Variants in GALNTL6 observed in about 807,000 individuals in gnomAD.
GALNTL6 encodes the protein polypeptide N-acetylgalactosaminyltransferase like 6.
A neutral mutation model predicts 73.7 loss-of-function variants in GALNTL6; 46 were observed. The ratio of observed to expected loss-of-function variants is 0.62; its 90% CI spans 0.49 to 0.80. The LOEUF (loss-of-function observed/expected upper bound fraction) is 0.80, where lower values mean the gene tolerates loss of function less well. Ranked by LOEUF, GALNTL6 falls within the 30% of genes least tolerant of loss-of-function variation. The pLI is 0.00. For missense variants in GALNTL6, 604 were observed against 755.0 expected (o/e 0.80, Z 2.34); for synonymous variants, 259 against 263.7 (o/e 0.98, Z 0.17).
intron 3 of GALNTL6, among the ~76,000 whole-genome samples, chr4:172,285,074 G>C (rs1406416036): frequency 6.6e-6 from 1 of 152,132 alleles, no homozygotes; most frequent in East Asian, 1.9e-4. Context: ...TGATCTATGA[G>C]CATGTGATAT....
chr4:172,634,488 C>T (rs1739560968), intron 5 of GALNTL6, among the ~76,000 whole-genome samples: 1 of 152,096 alleles, frequency 6.6e-6, no homozygotes. Context: ...TGTATGTACT[C>T]CTTGGTCTAG....
chr4:172,294,466 T>C (rs367584111), intron 3 of GALNTL6, among the ~76,000 whole-genome samples: 20 of 152,300 alleles, frequency 1.3e-4, no homozygotes, highest in African/African-American at 4.6e-4. Flanking sequence ...TTGTGTTCCA[T>C]TTAGTTTGAG....
intron 2 of GALNTL6, among the ~76,000 whole-genome samples, chr4:171,968,313 C>T (rs1739449086): frequency 6.6e-6 from 1 of 152,120 alleles, no homozygotes; most frequent in South Asian, 2.1e-4. Context: ...AAGGATTTGG[C>T]AGGGTCATTT....
chr4:172,922,641 T>C (rs1319376665), intron 8 of GALNTL6, among the ~76,000 whole-genome samples: 1 of 152,216 alleles, frequency 6.6e-6, no homozygotes, highest in Admixed American at 6.5e-5. Context: ...GAAGCAACAC[T>C]AAATTAGAAA....
At chr4:172,645,640 G>A (rs1002669173) in intron 5 of GALNTL6, among the ~76,000 whole-genome samples, 3 of 151,410 alleles carry the variant, frequency 2.0e-5, no homozygotes, top group Non-Finnish European at 4.4e-5. Context: ...ACAAAATTCA[G>A]ATTAATAGAA....
chr4:171,975,423 T>A (rs145215685), intron 2 of GALNTL6, among the ~76,000 whole-genome samples: 237 of 152,288 alleles, frequency 1.6e-3, no homozygotes, highest in African/African-American at 5.5e-3. Context: ...GAAAAGTAGG[T>A]ATCCTTTTCT....
At chr4:172,582,621 C>G (rs1737234479) in intron 5 of GALNTL6, among the ~76,000 whole-genome samples, 1 of 152,048 alleles carries the variant, frequency 6.6e-6, no homozygotes, top group African/African-American at 2.4e-5. Context: ...TCATGGTAAG[C>G]ATTATGTAAA....
chr4:171,921,398 G>A (rs1317109643), intron 2 of GALNTL6, among the ~76,000 whole-genome samples: 2 of 151,942 alleles, frequency 1.3e-5, no homozygotes, highest in Non-Finnish European at 2.9e-5. Flanking sequence ...TTGTACCTAT[G>A]CAGTGTGGGT....
chr4:172,761,870 G>A (rs1389631801), intron 5 of GALNTL6, among the ~76,000 whole-genome samples: 1 of 152,112 alleles, frequency 6.6e-6, no homozygotes, highest in East Asian at 1.9e-4. Context: ...GTTCTTCATA[G>A]CAGTGTGAAA....
chr4:172,448,676 A>G (rs775963104), intron 5 of GALNTL6, among the ~76,000 whole-genome samples: 2 of 152,214 alleles, frequency 1.3e-5, no homozygotes, highest in Admixed American at 6.6e-5. Context: ...CTCTAGAAAT[A>G]GAATTATTTT....
At chr4:172,636,444 T>G (rs1237957568) in intron 5 of GALNTL6, among the ~76,000 whole-genome samples, 1 of 152,168 alleles carries the variant, frequency 6.6e-6, no homozygotes, top group Admixed American at 6.6e-5. Context: ...GATCTTCAGA[T>G]CAGAGGATTC....
intron 10 of GALNTL6, among the ~76,000 whole-genome samples, chr4:173,004,141 G>T (rs866867239): frequency 6.6e-6 from 1 of 151,428 alleles, no homozygotes; most frequent in South Asian, 2.1e-4. Flanking sequence ...CTGTGAACAC[G>T]CCACTGCAGT....
At chr4:171,891,467 C>T (rs1736760829) in intron 2 of GALNTL6, among the ~76,000 whole-genome samples, 1 of 152,078 alleles carries the variant, frequency 6.6e-6, no homozygotes, top group Admixed American at 6.6e-5. Context: ...TTTCTGCATA[C>T]ATGTTTAGGG....
chr4:172,177,774 C>CAT lies in GALNTL6; in HGVS notation c.139-51876_139-51875dup, dbSNP rs376416193. On this transcript the variant is annotated intron_variant, in intron 2 of 12. Coordinates refer to ENST00000506823, the MANE Select transcript of GALNTL6 (RefSeq NM_001034845.3). ...ATATATGTGTGTATATATATGTACA[C>CAT]ATATATACACATGTGTATATATATA... Among the ~76,000 whole-genome samples the CAT allele has an allele frequency of 9.0e-3, 888 of 99,108 alleles. 8 individuals are homozygous for CAT. Among genetic ancestry groups the CAT allele is most frequent in the African/African-American group, 0.027 (595 of 22,220 alleles). 65.0% of individuals were successfully genotyped at this position (99,108 alleles called of 152,430 possible). A position where few individuals can be genotyped will look rare whatever the true frequency, so the allele number is the denominator to read the frequency against.
intron 2 of GALNTL6, among the ~76,000 whole-genome samples, chr4:172,164,708 A>T (rs1263270670): frequency 1.3e-5 from 2 of 152,036 alleles, no homozygotes; most frequent in African/African-American, 2.4e-5. Flanking sequence ...ATTTTGTTCA[A>T]GTACTTGGAG....
In GALNTL6 at chr4:172,743,090, A is replaced by G. The variant is rs564232794; in HGVS notation, c.554-66271A>G. Among the ~76,000 whole-genome samples, 153 of 152,130 alleles carry G rather than the reference A, an allele frequency of 1.0e-3. 1 individual carries two copies. The highest frequency in any genetic ancestry group is 1.7e-3 in the Non-Finnish European group (118 of 67,922). Reference sequence around the variant, plus strand: ...TAGCAAGCAAAGAAGTAGTTCTCCAAAGGAAAATAGTTATATGAAAAGAGC... The same window carrying G: ...TAGCAAGCAAAGAAGTAGTTCTCCAGAGGAAAATAGTTATATGAAAAGAGC... On this transcript the variant is annotated intron_variant, in intron 5 of 12. Coordinates refer to ENST00000506823, the MANE Select transcript of GALNTL6 (RefSeq NM_001034845.3).
chr4:172,267,603 A>G (rs1296994686), intron 3 of GALNTL6, among the ~76,000 whole-genome samples: 1 of 152,090 alleles, frequency 6.6e-6, no homozygotes, highest in Non-Finnish European at 1.5e-5. Flanking sequence ...TGCCAAAGAG[A>G]CACTGTGAAT....
At chr4:172,815,539 A>G (rs1741552446) in intron 7 of GALNTL6, among the ~76,000 whole-genome samples, 1 of 152,204 alleles carries the variant, frequency 6.6e-6, no homozygotes, top group Non-Finnish European at 1.5e-5. Flanking sequence ...CTGTGATAGC[A>G]GAGTAGGGGT....
chr4:172,196,600 G>A (rs1466547649), intron 2 of GALNTL6, among the ~76,000 whole-genome samples: 9 of 152,088 alleles, frequency 5.9e-5, no homozygotes, highest in African/African-American at 1.9e-4. Flanking sequence ...TATCCACCAC[G>A]ATCAAGTCAG....
Sources: allele counts gnomAD v4.1 joint callset (sites outside exome capture counted in the v4.1 genomes callset), GRCh38; gene constraint gnomAD v4.1.1; transcripts MANE v1.5; gene names NCBI Gene and HGNC (gene_info 2026-07-23, HGNC 2026-07-21).